Variants in PPP1R1A observed in about 807,000 individuals in gnomAD.
PPP1R1A encodes protein phosphatase 1 regulatory subunit 1A.
Under a neutral mutation model 23.9 loss-of-function variants are expected in PPP1R1A, and 18 were observed. The observed-to-expected ratio is 0.75, with a 90% confidence interval of 0.52 to 1.12. The LOEUF (loss-of-function observed/expected upper bound fraction) is 1.12. Ranked by LOEUF, PPP1R1A falls within the 50% of genes most tolerant of loss-of-function variation. The pLI, the probability that PPP1R1A is intolerant of heterozygous loss-of-function variation, is 0.00. For synonymous variants in PPP1R1A, 84 were observed against 80.7 expected (o/e 1.04, Z -0.22); for missense variants, 207 against 223.8 (o/e 0.92, Z 0.48).
intron 2 of PPP1R1A, 113 bp downstream of exon 2, chr12:54,584,147 G>A: frequency 9.2e-7 from 1 of 1,090,582 alleles, no homozygotes; most frequent in Non-Finnish European, 1.4e-6. Context: ...TCAGTACTGA[G>A]GACATCCCCG....
chr12:54,582,487 G>A (rs1042164031), intron 4 of PPP1R1A, among the ~76,000 whole-genome samples: 11 of 152,032 alleles, frequency 7.2e-5, no homozygotes, highest in South Asian at 6.2e-4. Flanking sequence ...GCACTGTGCC[G>A]GTGAGTTCAC....
In PPP1R1A at chr12:54,579,579, T is replaced by C; in HGVS notation, c.*808A>G. The C allele has an allele frequency of 2.0e-6, 2 of 985,422 alleles. No individual in the cohort carries two copies. Among genetic ancestry groups the C allele is most frequent in the Non-Finnish European group, 2.4e-6 (2 of 829,954 alleles). 61.0% of individuals were successfully genotyped at this position (985,422 alleles called of 1,614,324 possible). A position where few individuals can be genotyped will look rare whatever the true frequency, so the allele number is the denominator to read the frequency against. On this transcript the variant is annotated 3_prime_UTR_variant, in exon 7 of 7. Coordinates refer to ENST00000257905, the MANE Select transcript of PPP1R1A (RefSeq NM_006741.4). ...GCAGGAGAGAGGCCTGGCCGTGAGA[T>C]CTGAGACAGTTTCTTCTCTTATGCT...
At position 54,580,306 on chromosome 12, in the gene PPP1R1A, A is replaced by C. The variant is rs77297788; in HGVS notation, c.*81T>G. 10,057 of 1,596,040 alleles carry C rather than the reference A, an allele frequency of 6.3e-3. 528 individuals carry two copies. The African/African-American group carries it at 0.11, about 18-fold the overall frequency. ...TTTTTAAAAACAAGAGATTTTCCCC[A>C]AAAGTGAAGGAATAAGAAACAAATC... On this transcript the variant is annotated 3_prime_UTR_variant, in exon 7 of 7. Transcript: ENST00000257905.
intron 1 of PPP1R1A, among the ~76,000 whole-genome samples, chr12:54,586,807 T>G (rs1592184744): frequency 6.6e-6 from 1 of 152,038 alleles, no homozygotes. Flanking sequence ...TACACCTGCC[T>G]CCTCCAACAC....
chr12:54,582,642 G>T (rs1247371378), intron 4 of PPP1R1A, 90 bp downstream of exon 4: 1 of 1,467,768 alleles, frequency 6.8e-7, no homozygotes, highest in African/African-American at 1.4e-5. Flanking sequence ...AATAAAGGCA[G>T]ATTTAACGAC....
chr12:54,587,303 G>A (rs1247844261), intron 1 of PPP1R1A, among the ~76,000 whole-genome samples: 2 of 152,146 alleles, frequency 1.3e-5, no homozygotes, highest in African/African-American at 4.8e-5. Context: ...CAGGTTGGGG[G>A]TGGCCAGCCA....
At chr12:54,588,332 C>T in intron 1 of PPP1R1A, 73 bp downstream of exon 1, 1 of 1,279,616 alleles carries the variant, frequency 7.8e-7, no homozygotes, top group South Asian at 1.5e-5. Flanking sequence ...GGCAGGGATC[C>T]TGGGTCCCAC....
In PPP1R1A at chr12:54,584,781, C is replaced by T. The variant is rs1206094176; in HGVS notation, c.85-461G>A. 2.0e-5 allele frequency among the ~76,000 whole-genome samples: 3 copies of T among 152,028 alleles called. No individual in the cohort carries two copies. The East Asian group carries it at 5.8e-4, about 29-fold the overall frequency. On this transcript the variant is annotated intron_variant, in intron 1 of 6. Coordinates refer to ENST00000257905, the MANE Select transcript of PPP1R1A (RefSeq NM_006741.4). ...ACATTGGTGAACCAGGGTGAACATCCCTGGGCTCCTCCCCCTCCCCTGGGG... is the reference window on the plus strand; with the variant it reads ...ACATTGGTGAACCAGGGTGAACATCTCTGGGCTCCTCCCCCTCCCCTGGGG...
intron 1 of PPP1R1A, 104 bp downstream of exon 1, chr12:54,588,301 C>T (rs1483524658): frequency 1.2e-5 from 6 of 507,976 alleles, no homozygotes; most frequent in Non-Finnish European, 1.7e-5. Context: ...CTCAAAAGGG[C>T]GCACTGCTAA....
chr12:54,582,475 G>A (rs1415393148), intron 4 of PPP1R1A, among the ~76,000 whole-genome samples: 1 of 152,146 alleles, frequency 6.6e-6, no homozygotes, highest in African/African-American at 2.4e-5. Flanking sequence ...TGTACATGTT[G>A]TGCACTGTGC....
At chr12:54,587,269 C>A (rs930837136) in intron 1 of PPP1R1A, among the ~76,000 whole-genome samples, 2 of 152,348 alleles carry the variant, frequency 1.3e-5, no homozygotes, top group Non-Finnish European at 2.9e-5. Flanking sequence ...TCCACCTCAT[C>A]CCAAGAGGTC....
rs1006529978 is a variant in PPP1R1A, at chr12:54,581,399, T to C, written c.404-349A>G. On this transcript the variant is annotated intron_variant, in intron 5 of 6. Coordinates refer to ENST00000257905, the MANE Select transcript of PPP1R1A (RefSeq NM_006741.4). This position sits in a 1 kb window ranked among gnomAD's most constrained non-coding sequence, Gnocchi z 4.1. ...GATTGCAGAAATATTATGTGTTTGA[T>C]TGTAGGGTTCTCTGCCGGGAATACT... is the stretch of plus-strand genomic sequence containing the variant. Among the ~76,000 whole-genome samples, 1 of 152,226 alleles carries C rather than the reference T, an allele frequency of 6.6e-6. No individual in the cohort carries two copies. The highest frequency in any genetic ancestry group is 1.5e-5 in the Non-Finnish European group (1 of 68,040).
intron 1 of PPP1R1A, among the ~76,000 whole-genome samples, chr12:54,585,835 G>A (rs1957904905): frequency 6.6e-6 from 1 of 152,038 alleles, no homozygotes. Context: ...TGTGGGGGTA[G>A]GGCATCATTT....
At chr12:54,583,170 GGGGTTTTTT>G (rs750520918) in intron 3 of PPP1R1A, 32 bp downstream of exon 3, 1 of 1,543,270 alleles carries the variant, frequency 6.5e-7, no homozygotes. Flanking sequence ...AATGAATGTG[GGGGTTTTTT>G]GGGCTGGGCT....
Position 54,580,813 on chromosome 12 carries a change from G to T in PPP1R1A, c.510+131C>A, listed in dbSNP as rs1293706502. On this transcript the variant is annotated intron_variant, in intron 6 of 6. Coordinates refer to ENST00000257905, the MANE Select transcript of PPP1R1A (RefSeq NM_006741.4). ...GAGATACAAGTCCTTTTACCATAAAGAATAACTTTTTAGGGACTGAAGCTG... is the reference window on the plus strand; with the variant it reads ...GAGATACAAGTCCTTTTACCATAAATAATAACTTTTTAGGGACTGAAGCTG... 8.4e-6 allele frequency: 7 copies of T among 835,858 alleles called. No homozygotes were observed. The East Asian group carries it at 1.2e-4, about 14-fold the overall frequency. 51.8% of individuals were successfully genotyped at this position (835,858 alleles called of 1,614,324 possible).
At chr12:54,586,064 T>A (rs1957907138) in intron 1 of PPP1R1A, among the ~76,000 whole-genome samples, 1 of 152,100 alleles carries the variant, frequency 6.6e-6, no homozygotes, top group Non-Finnish European at 1.5e-5. Flanking sequence ...TCTACTTCTT[T>A]CCATCCTGGA....
chr12:54,584,853 C>G (rs10876567), intron 1 of PPP1R1A, among the ~76,000 whole-genome samples: 23,676 of 152,120 alleles, frequency 0.16, 2,499 homozygotes, highest in East Asian at 0.46. Flanking sequence ...TCCCTGCATG[C>G]CCCCATTCCC....
chr12:54,583,741 C>G (rs1438061667), intron 2 of PPP1R1A, among the ~76,000 whole-genome samples: 1 of 152,210 alleles, frequency 6.6e-6, no homozygotes, highest in Non-Finnish European at 1.5e-5. Context: ...AGCCTAGCTT[C>G]TTAGCCTGTC....
chr12:54,581,415 C>T lies in PPP1R1A; in HGVS notation c.404-365G>A, dbSNP rs893116131. ...TGTGTTTGATTGTAGGGTTCTCTGCCGGGAATACTATGCGATACACAGTTT... is the reference window on the plus strand; with the variant it reads ...TGTGTTTGATTGTAGGGTTCTCTGCTGGGAATACTATGCGATACACAGTTT... On this transcript the variant is annotated intron_variant, in intron 5 of 6. Transcript: ENST00000257905. The surrounding 1 kb of genome is among the most constrained non-coding windows in gnomAD (Gnocchi z 4.1). 2.6e-5 allele frequency among the ~76,000 whole-genome samples: 4 copies of T among 152,212 alleles called. No individual in the cohort carries two copies. Among genetic ancestry groups the T allele is most frequent in the Non-Finnish European group, 2.9e-5 (2 of 68,022 alleles).
Sources: gnomAD v4.1 joint callset for allele counts (sites outside exome capture counted in the v4.1 genomes callset) on GRCh38, gnomAD v4.1.1 for gene constraint, Gnocchi (gnomAD v3.1) non-coding constraint, MANE v1.5 for transcripts, NCBI Gene and HGNC (gene_info 2026-07-23, HGNC 2026-07-21) for gene names.